BRI3BP: variants seen among roughly 807,000 people sequenced by gnomAD.
BRI3BP encodes BRI3 binding protein.
BRI3BP carries 7 observed loss-of-function variants against 15.8 expected under a neutral mutation model. The ratio of observed to expected loss-of-function variants is 0.44; its 90% CI spans 0.25 to 0.83. The LOEUF (loss-of-function observed/expected upper bound fraction) is 0.83. Among genes scored for constraint, BRI3BP ranks in the 40% least tolerant of loss-of-function variants. The pLI is 0.20. For missense variants in BRI3BP, 320 were observed against 339.3 expected, an observed-to-expected ratio of 0.94 and a Z score of 0.45; for synonymous variants, 192 against 163.5, an observed-to-expected ratio of 1.17 and a Z score of -1.33.
the BRI3BP span, among the ~76,000 whole-genome samples, chr12:125,040,201 G>A: frequency 6.6e-6 from 1 of 150,714 alleles, no homozygotes; most frequent in Non-Finnish European, 1.5e-5. Flanking sequence ...GGTGGAGGTT[G>A]CAGTGAGCTG....
At chr12:125,024,629 G>A (rs1213686018) in intron 2 of BRI3BP, among the ~76,000 whole-genome samples, 3 of 152,032 alleles carry the variant, frequency 2.0e-5, no homozygotes, top group African/African-American at 4.8e-5. Context: ...GAGAAACCCC[G>A]TCTCTACTAA....
chr12:125,044,593 C>T, the BRI3BP span, among the ~76,000 whole-genome samples: 1 of 151,510 alleles, frequency 6.6e-6, no homozygotes, highest in Non-Finnish European at 1.5e-5. Flanking sequence ...GGGATACAAG[C>T]ATGCGCCACC....
rs750573322 is a variant in BRI3BP at position 125,030,463 on chromosome 12, T to C, written c.*5033T>C. On this transcript the variant is annotated 3_prime_UTR_variant, in exon 3 of 3. Transcript: ENST00000341446. ...ACTGGACAACCATCAGTGTGATGTA[T>C]AGTATCTGGTGTAAACAAATTTTAT... is the stretch of plus-strand genomic sequence containing the variant. 6.6e-6 allele frequency: 1 copy of C among 152,258 alleles called. No individual in the cohort carries two copies. The highest frequency in any genetic ancestry group is 1.5e-5 in the Non-Finnish European group (1 of 68,050). The allele number at this position is 152,258 out of a possible 1,614,324, so 9.4% of individuals were successfully genotyped here.
chr12:124,996,804 G>T (rs923114725), intron 1 of BRI3BP, among the ~76,000 whole-genome samples: 2 of 149,508 alleles, frequency 1.3e-5, no homozygotes, highest in Non-Finnish European at 3.0e-5. Flanking sequence ...TGTCGCCCAG[G>T]CTGGAATGCA....
rs1370346856 is a variant in BRI3BP at position 125,026,073 on chromosome 12, C to G, written c.*643C>G. The G allele has an allele frequency of 6.6e-6, 1 of 152,220 alleles. No individual in the cohort carries two copies. The highest frequency in any genetic ancestry group is 2.4e-5 in the African/African-American group (1 of 41,450). 9.4% of individuals were successfully genotyped at this position (152,220 alleles called of 1,614,324 possible). ...CTAGAGACCCCTGCCAAGCCCCCAT[C>G]AGTCCTATTTTTAAATGAAGACATC... On this transcript the variant is annotated 3_prime_UTR_variant, in exon 3 of 3. Transcript: ENST00000341446.
At chr12:125,041,626 GC>G in the BRI3BP span, among the ~76,000 whole-genome samples, 1 of 152,192 alleles carries the variant, frequency 6.6e-6, no homozygotes, top group Non-Finnish European at 1.5e-5. Flanking sequence ...ATGTTCTGCT[GC>G]CCTAAGGCAA....
chr12:125,029,745 T>C lies in BRI3BP; in HGVS notation c.*4315T>C, dbSNP rs1160421577. 1 of 152,032 alleles carries C rather than the reference T, an allele frequency of 6.6e-6. No homozygotes were observed. Among genetic ancestry groups the C allele is most frequent in the African/African-American group, 2.4e-5 (1 of 41,380 alleles). The allele number at this position is 152,032 out of a possible 1,614,324, so 9.4% of individuals were successfully genotyped here. A position where few individuals can be genotyped will look rare whatever the true frequency, so the allele number is the denominator to read the frequency against. On this transcript the variant is annotated 3_prime_UTR_variant, in exon 3 of 3. Transcript: ENST00000341446. ...TGTGTCTTAATTCACAAAGGGTAAG[T>C]GAATGCCGTTGAAAGGTGTTTCATA...
Position 125,025,576 on chromosome 12 carries a change from C to T in BRI3BP, c.*146C>T. ...CTGTGTAGGGCTATTTCCACCCACC[C>T]GGCAGCTCTTAGGACACATTCCCAG... On this transcript the variant is annotated 3_prime_UTR_variant, in exon 3 of 3. Coordinates refer to ENST00000341446, the MANE Select transcript of BRI3BP (RefSeq NM_080626.6). 1.2e-6 allele frequency: 1 copy of T among 809,240 alleles called. No homozygotes were observed. The highest frequency in any genetic ancestry group is 1.9e-6 in the Non-Finnish European group (1 of 534,424). 50.1% of individuals were successfully genotyped at this position (809,240 alleles called of 1,614,324 possible). A position where few individuals can be genotyped will look rare whatever the true frequency, so the allele number is the denominator to read the frequency against.
the BRI3BP span, among the ~76,000 whole-genome samples, chr12:125,040,935 T>C: frequency 6.6e-6 from 1 of 152,092 alleles, no homozygotes. Context: ...TTCTTCATGT[T>C]GGCCAGGCTG....
At chr12:125,046,825 T>C in the BRI3BP span, among the ~76,000 whole-genome samples, 2 of 152,246 alleles carry the variant, frequency 1.3e-5, no homozygotes, top group Admixed American at 6.5e-5. Flanking sequence ...TTAGAACTTA[T>C]CTCTAAAAAT....
chr12:125,004,583 A>G (rs902121833), intron 1 of BRI3BP, among the ~76,000 whole-genome samples: 2 of 152,192 alleles, frequency 1.3e-5, no homozygotes, highest in African/African-American at 4.8e-5. Flanking sequence ...GGGAGTCGCC[A>G]TATACCCCTC....
chr12:125,032,131 G>A (rs1955410423), downstream of BRI3BP, among the ~76,000 whole-genome samples: 1 of 152,030 alleles, frequency 6.6e-6, no homozygotes, highest in Non-Finnish European at 1.5e-5. Context: ...GAATGAGGAG[G>A]GGCAGCTCAT....
the BRI3BP span, among the ~76,000 whole-genome samples, chr12:125,039,343 A>G: frequency 6.6e-6 from 1 of 152,140 alleles, no homozygotes. Context: ...CATCATTCTC[A>G]GTCAGTTAAA....
chr12:125,049,994 A>G, the BRI3BP span, among the ~76,000 whole-genome samples: 2 of 152,210 alleles, frequency 1.3e-5, no homozygotes, highest in African/African-American at 4.8e-5. Context: ...CAGCTTTGCC[A>G]GGAGTCTTCC....
At chr12:125,007,278 G>A (rs1013145959) in intron 1 of BRI3BP, among the ~76,000 whole-genome samples, 2 of 152,056 alleles carry the variant, frequency 1.3e-5, no homozygotes, top group African/African-American at 2.4e-5. Context: ...GGTTGAGCAC[G>A]GTGGATCACA....
chr12:125,009,757 T>G (rs115581319), intron 1 of BRI3BP, among the ~76,000 whole-genome samples: 2,726 of 152,250 alleles, frequency 0.018, 85 homozygotes, highest in African/African-American at 0.062. Flanking sequence ...TTTTTAGGGC[T>G]AAAATGTTGG....
intron 2 of BRI3BP, 67 bp from the exon 3 acceptor site, chr12:125,024,924 A>C (rs1955336050): frequency 5.6e-6 from 8 of 1,431,154 alleles, no homozygotes; most frequent in Middle Eastern, 1.8e-4. Context: ...CAACTATCCA[A>C]TTCTAGCTTG....
chr12:125,042,057 A>G, the BRI3BP span, among the ~76,000 whole-genome samples: 1 of 152,240 alleles, frequency 6.6e-6, no homozygotes, highest in African/African-American at 2.4e-5. Context: ...AGTTTATCTG[A>G]ATGGCTACAT....
At chr12:125,004,532 C>T (rs1317062436) in intron 1 of BRI3BP, among the ~76,000 whole-genome samples, 1 of 152,148 alleles carries the variant, frequency 6.6e-6, no homozygotes, top group East Asian at 1.9e-4. Context: ...AAAAAATAGT[C>T]TTTTCTTTTA....
Sources: allele counts gnomAD v4.1 joint callset (sites outside exome capture counted in the v4.1 genomes callset), GRCh38; gene constraint gnomAD v4.1.1; transcripts MANE v1.5; gene names NCBI Gene and HGNC (gene_info 2026-07-23, HGNC 2026-07-21).